CNTNAP2: variants seen among roughly 807,000 people sequenced by gnomAD.
CNTNAP2 encodes the protein contactin-associated protein-like 2.
In CNTNAP2, 98 loss-of-function variants were observed where a neutral mutation model predicts 155.2. The ratio of observed to expected loss-of-function variants is 0.63; its 90% CI spans 0.54 to 0.75. CNTNAP2 has a LOEUF of 0.75. CNTNAP2 is among the 30% of genes least tolerant of loss of function. The pLI is 0.00. For synonymous variants in CNTNAP2, 651 were observed against 631.2 expected (o/e 1.03, Z -0.47); for missense variants, 1,727 against 1,688.1 (o/e 1.02, Z -0.40).
At chr7:147,218,793 C>A (rs1031189074) in intron 8 of CNTNAP2, among the ~76,000 whole-genome samples, 2 of 152,066 alleles carry the variant, frequency 1.3e-5, no homozygotes, top group Non-Finnish European at 2.9e-5. Context: ...TTTCTGCCTG[C>A]CATGGTCATC....
At chr7:148,241,827 T>A (rs999720249) in intron 20 of CNTNAP2, among the ~76,000 whole-genome samples, 2 of 152,254 alleles carry the variant, frequency 1.3e-5, no homozygotes, top group Non-Finnish European at 2.9e-5. Context: ...TAAAGCAATT[T>A]CATCTGCAAA....
At chr7:146,537,405 C>T (rs776762969) in intron 1 of CNTNAP2, among the ~76,000 whole-genome samples, 4 of 151,838 alleles carry the variant, frequency 2.6e-5, no homozygotes, top group Admixed American at 2.0e-4. Context: ...TGGCAACATC[C>T]TTATTTACTT....
chr7:148,147,180 C>T (rs922344773), intron 16 of CNTNAP2, among the ~76,000 whole-genome samples: 11 of 152,164 alleles, frequency 7.2e-5, no homozygotes, highest in Admixed American at 1.3e-4. Flanking sequence ...ACTCAACATG[C>T]GCTAACTTCT....
At chr7:146,216,393 G>C (rs1193834078) in intron 1 of CNTNAP2, among the ~76,000 whole-genome samples, 1 of 152,290 alleles carries the variant, frequency 6.6e-6, no homozygotes, top group Admixed American at 6.5e-5. Context: ...TGACTAGAGA[G>C]GGTTTTAAAA....
chr7:147,542,708 A>G (rs897171499), intron 11 of CNTNAP2, among the ~76,000 whole-genome samples: 2 of 152,176 alleles, frequency 1.3e-5, no homozygotes, highest in Admixed American at 6.5e-5. Flanking sequence ...GTTTGGTGTC[A>G]TGCTAAGGGA....
At chr7:146,670,824 G>C (rs1350307444) in intron 1 of CNTNAP2, among the ~76,000 whole-genome samples, 1 of 152,150 alleles carries the variant, frequency 6.6e-6, no homozygotes, top group African/African-American at 2.4e-5. Flanking sequence ...TCCCACACTG[G>C]CAACTGAGGC....
intron 12 of CNTNAP2, among the ~76,000 whole-genome samples, chr7:147,633,055 C>T (rs1401020103): frequency 6.6e-6 from 1 of 152,204 alleles, no homozygotes; most frequent in African/African-American, 2.4e-5. Context: ...CAGAAATTTG[C>T]ACAAGCAGCC....
intron 13 of CNTNAP2, among the ~76,000 whole-genome samples, chr7:147,733,569 G>A (rs1271272027): frequency 6.6e-6 from 1 of 152,300 alleles, no homozygotes; most frequent in East Asian, 1.9e-4. Context: ...GTCATTGGTT[G>A]CTTGATGGGG....
intron 10 of CNTNAP2, among the ~76,000 whole-genome samples, chr7:147,456,005 A>G (rs1797912688): frequency 6.6e-6 from 1 of 152,194 alleles, no homozygotes; most frequent in Non-Finnish European, 1.5e-5. Context: ...ACATTCTGTA[A>G]CATAAGAATT....
At chr7:146,946,450 A>C (rs76562611) in intron 3 of CNTNAP2, among the ~76,000 whole-genome samples, 1 of 152,296 alleles carries the variant, frequency 6.6e-6, no homozygotes, top group Non-Finnish European at 1.5e-5. Flanking sequence ...TAAGTAAAAA[A>C]TCTTCATTTC....
intron 1 of CNTNAP2, among the ~76,000 whole-genome samples, chr7:146,578,464 A>G (rs1798559312): frequency 6.6e-6 from 1 of 152,152 alleles, no homozygotes; most frequent in African/African-American, 2.4e-5. Context: ...ACATAAGAAT[A>G]TTATATGCTG....
At chr7:147,078,646 C>T (rs906621864) in intron 4 of CNTNAP2, among the ~76,000 whole-genome samples, 2 of 152,052 alleles carry the variant, frequency 1.3e-5, no homozygotes, top group African/African-American at 4.8e-5. Flanking sequence ...GATGGTCTAA[C>T]ACAGACAACG....
intron 13 of CNTNAP2, among the ~76,000 whole-genome samples, chr7:147,716,405 G>C (rs1796481829): frequency 6.6e-6 from 1 of 152,108 alleles, no homozygotes; most frequent in Non-Finnish European, 1.5e-5. Flanking sequence ...TGGTGAGGCA[G>C]AGTCTGATCT....
chr7:147,527,091 C>T (rs1324030314), intron 11 of CNTNAP2, among the ~76,000 whole-genome samples: 1 of 124,722 alleles, frequency 8.0e-6, no homozygotes, highest in African/African-American at 3.3e-5. Context: ...GGTGTGATCT[C>T]GGCTCACTGC....
intron 2 of CNTNAP2, among the ~76,000 whole-genome samples, chr7:146,815,138 A>T (rs1193425628): frequency 6.6e-6 from 1 of 152,186 alleles, no homozygotes; most frequent in African/African-American, 2.4e-5. Flanking sequence ...TTAGTGCTGA[A>T]TGCAGTTTTA....
chr7:146,876,364 T>C (rs565028253), intron 3 of CNTNAP2, among the ~76,000 whole-genome samples: 1 of 152,188 alleles, frequency 6.6e-6, no homozygotes, highest in African/African-American at 2.4e-5. Context: ...TTTTGTGTTA[T>C]TTATTTTGGA....
chr7:148,357,148 G>A (rs1024353041), intron 21 of CNTNAP2, among the ~76,000 whole-genome samples: 30 of 152,134 alleles, frequency 2.0e-4, no homozygotes, highest in African/African-American at 7.2e-4. Context: ...GACCCAGTGG[G>A]ACGTAATTGA....
chr7:146,770,253 G>C (rs1439843351), intron 1 of CNTNAP2, among the ~76,000 whole-genome samples: 2 of 151,216 alleles, frequency 1.3e-5, no homozygotes, highest in Admixed American at 1.3e-4. Flanking sequence ...GTATGTATGT[G>C]TGTGTGTGCA....
chr7:147,475,857 A>G (rs191113540), intron 10 of CNTNAP2, among the ~76,000 whole-genome samples: 12 of 152,296 alleles, frequency 7.9e-5, no homozygotes, highest in East Asian at 5.8e-4. Context: ...GTCTTACATC[A>G]TTTACTAAGT....
Sources: gnomAD v4.1 joint callset for allele counts (sites outside exome capture counted in the v4.1 genomes callset) on GRCh38, gnomAD v4.1.1 for gene constraint, MANE v1.5 for transcripts, NCBI Gene and HGNC (gene_info 2026-07-23, HGNC 2026-07-21) for gene names.